Variants in GALNS observed in about 807,000 individuals in gnomAD.
The protein encoded by GALNS is galactosamine (N-acetyl)-6-sulfatase.
GALNS carries 65 observed loss-of-function variants against 65.9 expected under a neutral mutation model. That is an observed-to-expected ratio of 0.99 (90% CI 0.81 to 1.21). The LOEUF (loss-of-function observed/expected upper bound fraction) is 1.21. Among genes scored for constraint, GALNS ranks in the 50% most tolerant of loss-of-function variants. The pLI is 0.00. For synonymous variants in GALNS, 346 were observed against 288.9 expected (o/e 1.20, Z -2.00); for missense variants, 776 against 700.7 (o/e 1.11, Z -1.21).
Position 88,855,352 on chromosome 16 carries a change from C to T in GALNS, c.120+1406G>A, listed in dbSNP as rs1403522071. 5.7e-6 allele frequency: 4 copies of T among 700,832 alleles called. No individual in the cohort carries two copies. In the Admixed American group the frequency reaches 6.0e-5, roughly 11 times the overall value. The allele number at this position is 700,832 out of a possible 1,614,324, so 43.4% of individuals were successfully genotyped here. On this transcript the variant is annotated intron_variant, in intron 1 of 13. Coordinates refer to ENST00000268695, the MANE Select transcript of GALNS (RefSeq NM_000512.5). The stretch of plus-strand genomic sequence containing the variant: ...AGTTACACAATGAAAAGAAGAAATT[C>T]TGAAACAAAGTATCTACACTGGCCC...
chr16:88,833,270 C>G (rs955513963), intron 8 of GALNS, among the ~76,000 whole-genome samples: 1 of 152,182 alleles, frequency 6.6e-6, no homozygotes, highest in East Asian at 1.9e-4. Context: ...CGCCAACACC[C>G]GCAACCCGGC....
In GALNS at chr16:88,814,299, G is replaced by T. The variant is rs557356503; in HGVS notation, c.*140C>A. On this transcript the variant is annotated 3_prime_UTR_variant, in exon 14 of 14. Transcript: ENST00000268695. ...GGTCAGGTCCTGGGCAGGTGGAATT[G>T]TGCAGTCCCCCTGCGTCTGCAGGTG... 87 of 1,132,788 alleles carry T rather than the reference G, an allele frequency of 7.7e-5. No homozygotes were observed. The African/African-American group carries it at 1.2e-3, about 15-fold the overall frequency. 70.2% of individuals were successfully genotyped at this position (1,132,788 alleles called of 1,614,324 possible). A position where few individuals can be genotyped will look rare whatever the true frequency, so the allele number is the denominator to read the frequency against.
intron 8 of GALNS, among the ~76,000 whole-genome samples, chr16:88,833,685 C>G (rs1333135213): frequency 1.3e-5 from 2 of 151,960 alleles, no homozygotes; most frequent in Admixed American, 6.6e-5. Flanking sequence ...CTCCTGACCT[C>G]GTGATCCACC....
At chr16:88,844,975 T>A (rs1054145825) in intron 1 of GALNS, 2 of 152,268 alleles carry the variant, frequency 1.3e-5, no homozygotes, top group African/African-American at 2.4e-5. Context: ...TAATTTTTCA[T>A]GTCACAAAAT....
chr16:88,834,966 C>T (rs1047085069), intron 8 of GALNS, among the ~76,000 whole-genome samples: 1 of 151,858 alleles, frequency 6.6e-6, no homozygotes, highest in African/African-American at 2.4e-5. Flanking sequence ...CAGCCTCTTC[C>T]AAGACAAACC....
At position 88,854,065 on chromosome 16, in the gene GALNS, C is replaced by A. The variant is rs574782603; in HGVS notation, c.120+2693G>T. Among the ~76,000 whole-genome samples the A allele has an allele frequency of 2.6e-5, 4 of 152,346 alleles. No individual in the cohort carries two copies. The East Asian group carries it at 5.8e-4, about 22-fold the overall frequency. The stretch of plus-strand genomic sequence containing the variant: ...GGGGCCCAGGCCCCCCACTGCCCAG[C>A]CACAGAGGACTGGATAGGGGGAGAC... On this transcript the variant is annotated intron_variant, in intron 1 of 13. Coordinates refer to ENST00000268695, the MANE Select transcript of GALNS (RefSeq NM_000512.5).
At chr16:88,826,341 G>A (rs925766530) in intron 10 of GALNS, among the ~76,000 whole-genome samples, 1 of 149,416 alleles carries the variant, frequency 6.7e-6, no homozygotes, top group Non-Finnish European at 1.5e-5. Context: ...ACAGGGGTGC[G>A]GCGGACAGGG....
rs1482013202 is a variant in GALNS, at chr16:88,826,847, C to T, written c.1003-9G>A. The T allele has an allele frequency of 6.4e-7, 1 of 1,570,134 alleles. No individual in the cohort carries two copies. On this transcript the variant is annotated splice_polypyrimidine_tract_variant and intron_variant, in intron 9 of 13. Coordinates refer to ENST00000268695, the MANE Select transcript of GALNS (RefSeq NM_000512.5). ...CCCAGCTGGTGGCTCACCTGAAACA[C>T]ATGGCAGCAACACGGTCAGGGCACT...
rs146751257 is a variant in GALNS at position 88,824,792 on chromosome 16, G to A, written c.1217C>T (p.Thr406Ile). Residue 406 changes from threonine (T) to isoleucine (I), a missense_variant, in exon 11 of 14, where the codon ACC (threonine) becomes ATC (isoleucine). Thr to Ile is a moderately conservative substitution (Grantham distance 89, BLOSUM62 -1). Transcript: ENST00000268695. ...GQHKAHFWTW[T>I]NSWENFRQGI... is the part of the protein sequence containing the mutation. ...CTGTCTGAAGTTCTCCCAGGAGTTG[G>A]TCCAGGTCCAGAAGTGAGCCTTGTG... The A allele has an allele frequency of 1.1e-5, 18 of 1,613,312 alleles. No individual in the cohort carries two copies. The highest frequency in any genetic ancestry group is 1.5e-5 in the Non-Finnish European group (18 of 1,179,996).
chr16:88,855,650 T>C (rs997543226), intron 1 of GALNS: 3 of 602,584 alleles, frequency 5.0e-6, no homozygotes, highest in Non-Finnish European at 8.8e-6. Flanking sequence ...TAAAAAACCA[T>C]TAATTTAATA....
intron 9 of GALNS, 70 bp from the exon 10 acceptor site, chr16:88,826,908 G>T (rs1425893679): frequency 1.3e-5 from 20 of 1,532,410 alleles, no homozygotes; most frequent in Non-Finnish European, 1.8e-5. Flanking sequence ...GCCAATCCCT[G>T]GGGGGGCGTG....
chr16:88,848,899 TTGTC>T (rs541519288), intron 1 of GALNS, among the ~76,000 whole-genome samples: 4 of 152,184 alleles, frequency 2.6e-5, no homozygotes, highest in Non-Finnish European at 5.9e-5. Context: ...ACCTTGGTCT[TTGTC>T]TGGATGCAAT....
At chr16:88,829,210 T>G (rs1247143909) in intron 9 of GALNS, among the ~76,000 whole-genome samples, 1 of 152,064 alleles carries the variant, frequency 6.6e-6, no homozygotes, top group Non-Finnish European at 1.5e-5. Context: ...GTCACAGTGT[T>G]CACTGAGTGA....
At chr16:88,856,284 A>AGGTGGC (rs948800258) in intron 1 of GALNS, 1 of 702,932 alleles carries the variant, frequency 1.4e-6, no homozygotes. Flanking sequence ...CGGCGGCCCG[A>AGGTGGC]GGTGGCGGGA....
Position 88,814,224 on chromosome 16 carries a change from C to G in GALNS, c.*215G>C, listed in dbSNP as rs1174710833. 1 of 651,448 alleles carries G rather than the reference C, an allele frequency of 1.5e-6. No homozygotes were observed. Among genetic ancestry groups the G allele is most frequent in the Non-Finnish European group, 2.7e-6 (1 of 371,448 alleles). 40.4% of individuals were successfully genotyped at this position (651,448 alleles called of 1,614,324 possible). On this transcript the variant is annotated 3_prime_UTR_variant, in exon 14 of 14. Transcript: ENST00000268695. ...AGGCGCCGTGGGCGAGGAGGAGGGTCCTGAAATCTGAGGCGCCGTGGGCGA... is the reference window on the plus strand; with the variant it reads ...AGGCGCCGTGGGCGAGGAGGAGGGTGCTGAAATCTGAGGCGCCGTGGGCGA...
intron 3 of GALNS, among the ~76,000 whole-genome samples, chr16:88,841,307 G>A (rs1260677936): frequency 5.3e-5 from 8 of 152,166 alleles, no homozygotes; most frequent in Admixed American, 5.2e-4. Context: ...ATCACCAGAG[G>A]GTGGGGACGG....
At chr16:88,844,508 G>T (rs1967145320) in intron 1 of GALNS, 1 of 152,228 alleles carries the variant, frequency 6.6e-6, no homozygotes, top group Non-Finnish European at 1.5e-5. Flanking sequence ...AGGCCCCTCT[G>T]TCTGGCCTGT....
chr16:88,843,789 A>G (rs12445187), intron 1 of GALNS: 63,336 of 155,142 alleles, frequency 0.41, 14,449 homozygotes, highest in East Asian at 0.65. Context: ...GTTATGTCTC[A>G]GGAAACTCAC....
chr16:88,828,849 G>A (rs1281479652), intron 9 of GALNS, among the ~76,000 whole-genome samples: 1 of 152,304 alleles, frequency 6.6e-6, no homozygotes, highest in Non-Finnish European at 1.5e-5. Context: ...GCACAGCCAC[G>A]GGTGGCTCCC....
Sources: allele counts gnomAD v4.1 joint callset (sites outside exome capture counted in the v4.1 genomes callset), GRCh38; gene constraint gnomAD v4.1.1; transcripts MANE v1.5; gene names NCBI Gene and HGNC (gene_info 2026-07-23, HGNC 2026-07-21).